The following DNM2 variants were observed in gnomAD, a reference collection of about 807,000 sequenced individuals.
DNM2 encodes the protein dynamin-2.
A neutral mutation model predicts 99.0 loss-of-function variants in DNM2; 15 were observed. The observed-to-expected ratio is 0.15, with a 90% confidence interval of 0.10 to 0.23. The LOEUF is 0.23. Among genes scored for constraint, DNM2 ranks in the 10% least tolerant of loss-of-function variants. The probability of loss-of-function intolerance (pLI) is 1.00; values close to 1 mark genes in which losing one functional copy is unlikely to be tolerated. For synonymous variants in DNM2, 525 were observed against 481.2 expected, an observed-to-expected ratio of 1.09 and a Z score of -1.19; for missense variants, 742 against 1,189.4, an observed-to-expected ratio of 0.62 and a Z score of 5.53.
chr19:10,788,468 G>T (rs1381818255), intron 7 of DNM2, among the ~76,000 whole-genome samples: 1 of 152,176 alleles, frequency 6.6e-6, no homozygotes, highest in African/African-American at 2.4e-5. Context: ...ATTGGCTTTT[G>T]CTGTGAGTGA....
chr19:10,751,333 C>G (rs1292687300), intron 1 of DNM2, among the ~76,000 whole-genome samples: 1 of 152,076 alleles, frequency 6.6e-6, no homozygotes, highest in Non-Finnish European at 1.5e-5. Context: ...GCACAGAGGG[C>G]ACTGTAGCAG....
At chr19:10,799,429 T>C (rs1043341023) in intron 11 of DNM2, among the ~76,000 whole-genome samples, 1 of 151,438 alleles carries the variant, frequency 6.6e-6, no homozygotes, top group African/African-American at 2.4e-5. Context: ...TGTAGTTTGC[T>C]GCCTTGATTA....
intron 1 of DNM2, among the ~76,000 whole-genome samples, chr19:10,733,339 G>A (rs909411087): frequency 6.6e-6 from 1 of 150,886 alleles, no homozygotes; most frequent in Non-Finnish European, 1.5e-5. Context: ...CCACAGGCGC[G>A]CACCACAATG....
chr19:10,778,268 C>T (rs960773461), intron 5 of DNM2, among the ~76,000 whole-genome samples: 27 of 149,736 alleles, frequency 1.8e-4, no homozygotes, highest in African/African-American at 6.1e-4. Flanking sequence ...CTGCTGACCT[C>T]GTGATCCACC....
intron 1 of DNM2, among the ~76,000 whole-genome samples, chr19:10,732,213 A>G (rs1194168919): frequency 6.7e-6 from 1 of 148,720 alleles, no homozygotes; most frequent in East Asian, 2.0e-4. Context: ...TCAGCCTCCC[A>G]GAGTGCTGGG....
Position 10,718,188 on chromosome 19 carries a change from AG to A in DNM2, c.-52del. The A allele has an allele frequency of 7.3e-7, 1 of 1,375,576 alleles. No homozygotes were observed. Among genetic ancestry groups the A allele is most frequent in the South Asian group, 1.6e-5 (1 of 60,974 alleles). 85.2% of individuals were successfully genotyped at this position (1,375,576 alleles called of 1,614,324 possible). A position where few individuals can be genotyped will look rare whatever the true frequency, so the allele number is the denominator to read the frequency against. On this transcript the variant is annotated 5_prime_UTR_variant, in exon 1 of 21. Transcript: ENST00000389253. ...CAGACGCCGCGGGGCCAGGTCGTTG[AG>A]GGTCGGCGGCGGGCGAGGAGCGCAG...
chr19:10,721,775 C>T (rs1424220102), intron 1 of DNM2, among the ~76,000 whole-genome samples: 3 of 152,216 alleles, frequency 2.0e-5, no homozygotes, highest in African/African-American at 7.2e-5. Context: ...GCTGGAAGTC[C>T]AGATCACTGG....
intron 1 of DNM2, among the ~76,000 whole-genome samples, chr19:10,759,301 C>T (rs911418152): frequency 3.3e-5 from 5 of 152,204 alleles, no homozygotes; most frequent in African/African-American, 1.2e-4. Context: ...GATCTGCCTT[C>T]TGCTTCTGTA....
chr19:10,823,979 C>A, intron 17 of DNM2, 80 bp downstream of exon 17: 1 of 1,362,742 alleles, frequency 7.3e-7, no homozygotes, highest in South Asian at 1.2e-5. Flanking sequence ...CAGGACAGGT[C>A]ATTTTCAGGC....
chr19:10,824,864 A>T, intron 17 of DNM2, 193 bp from the exon 18 acceptor site: 1 of 769,534 alleles, frequency 1.3e-6, no homozygotes, highest in Non-Finnish European at 2.1e-6. Flanking sequence ...GATCCACCCC[A>T]GCATCAGCCA....
chr19:10,811,609 C>T lies in DNM2; in HGVS notation c.1558-655C>T. 2.3e-6 allele frequency: 1 copy of T among 441,326 alleles called. No individual in the cohort carries two copies. Among genetic ancestry groups the T allele is most frequent in the South Asian group, 1.6e-5 (1 of 62,268 alleles). The allele number at this position is 441,326 out of a possible 1,614,324, so 27.3% of individuals were successfully genotyped here. On this transcript the variant is annotated intron_variant, in intron 14 of 20. Transcript: ENST00000389253. This position sits in a 1 kb window ranked among gnomAD's most constrained non-coding sequence, Gnocchi z 5.4. ...GGGTGGGGGGCTCTGCCCACACATG[C>T]CTCCAGCGGCCAGGGAGCATGGGAG...
At chr19:10,726,019 G>T (rs923717685) in intron 1 of DNM2, among the ~76,000 whole-genome samples, 1 of 152,042 alleles carries the variant, frequency 6.6e-6, no homozygotes, top group African/African-American at 2.4e-5. Flanking sequence ...AAGAGATTGA[G>T]ACCATCCTGG....
At chr19:10,794,742 C>G (rs894825143) in intron 8 of DNM2, among the ~76,000 whole-genome samples, 2 of 148,440 alleles carry the variant, frequency 1.3e-5, no homozygotes, top group African/African-American at 5.1e-5. Flanking sequence ...CAGACCCTAT[C>G]TCAAAAAAAA....
intron 12 of DNM2, among the ~76,000 whole-genome samples, chr19:10,805,465 G>A (rs938141865): frequency 5.3e-5 from 8 of 152,228 alleles, no homozygotes; most frequent in Admixed American, 3.9e-4. Context: ...GTGAAACCTC[G>A]TCTCTACAAA....
At chr19:10,735,865 C>G (rs542093071) in intron 1 of DNM2, among the ~76,000 whole-genome samples, 1 of 152,248 alleles carries the variant, frequency 6.6e-6, no homozygotes, top group Non-Finnish European at 1.5e-5. Context: ...TTGCTTTTGT[C>G]TGGAATTAGT....
chr19:10,759,566 C>T, intron 1 of DNM2, 172 bp from the exon 2 acceptor site: 2 of 757,256 alleles, frequency 2.6e-6, no homozygotes, highest in Non-Finnish European at 4.7e-6. Flanking sequence ...CTGAGCTCTT[C>T]AGGCCTCAGG....
intron 15 of DNM2, among the ~76,000 whole-genome samples, chr19:10,813,895 G>A (rs1357767918): frequency 6.6e-6 from 1 of 152,054 alleles, no homozygotes; most frequent in Non-Finnish European, 1.5e-5. Context: ...GGGCACAGTG[G>A]CTCATGCCTG....
chr19:10,801,103 C>T (rs12611044), intron 11 of DNM2, among the ~76,000 whole-genome samples: 3 of 152,022 alleles, frequency 2.0e-5, no homozygotes, highest in Admixed American at 6.6e-5. Context: ...CTCAGGAGTT[C>T]GAGACCAGCT....
chr19:10,738,376 G>A (rs1326333982), intron 1 of DNM2, among the ~76,000 whole-genome samples: 3 of 152,214 alleles, frequency 2.0e-5, no homozygotes, highest in Non-Finnish European at 4.4e-5. Context: ...CAGCACTTTG[G>A]GAGGCTGAGG....
Sources: gnomAD v4.1 joint callset for allele counts (sites outside exome capture counted in the v4.1 genomes callset) on GRCh38, gnomAD v4.1.1 for gene constraint, Gnocchi (gnomAD v3.1) non-coding constraint, MANE v1.5 for transcripts, NCBI Gene and HGNC (gene_info 2026-07-23, HGNC 2026-07-21) for gene names.